The following NEK6 variants were observed in gnomAD, a reference collection of about 807,000 sequenced individuals.
NEK6 encodes NIMA related kinase 6.
In NEK6, 27 loss-of-function variants were observed where a neutral mutation model predicts 43.5. The ratio of observed to expected loss-of-function variants is 0.62; its 90% CI spans 0.46 to 0.86. The LOEUF (loss-of-function observed/expected upper bound fraction) is 0.86. NEK6 is among the 40% of genes least tolerant of loss of function. The probability of loss-of-function intolerance (pLI) is 0.00; values close to 1 mark genes in which losing one functional copy is unlikely to be tolerated. For synonymous variants in NEK6, 167 were observed against 164.1 expected (o/e 1.02, Z -0.14); for missense variants, 318 against 414.4 (o/e 0.77, Z 2.02).
At chr9:124,304,550 A>G (rs1048934444) in intron 2 of NEK6, among the ~76,000 whole-genome samples, 3 of 152,218 alleles carry the variant, frequency 2.0e-5, no homozygotes, top group African/African-American at 7.2e-5. Context: ...TAAACATCCA[A>G]CACAGCACCT....
chr9:124,336,115 G>C (rs1276253304), intron 7 of NEK6, among the ~76,000 whole-genome samples: 1 of 152,150 alleles, frequency 6.6e-6, no homozygotes, highest in Non-Finnish European at 1.5e-5. Context: ...GTGTGCACCT[G>C]TGGTCCCAGC....
chr9:124,269,800 G>T (rs537487263), intron 1 of NEK6, among the ~76,000 whole-genome samples: 1 of 152,226 alleles, frequency 6.6e-6, no homozygotes, highest in South Asian at 2.1e-4. Flanking sequence ...CCTTCTCTTT[G>T]TTGTTGGTTT....
At position 124,352,256 on chromosome 9, in the gene NEK6, A is replaced by C. The variant is rs939780124; in HGVS notation, c.*1309A>C. Reference sequence around the variant, plus strand: ...ACCTGCTGCCTGCAGGCATTCACTGACCAGGCCTTTCCTGGAGGAAACACC... The same window carrying C: ...ACCTGCTGCCTGCAGGCATTCACTGCCCAGGCCTTTCCTGGAGGAAACACC... On this transcript the variant is annotated 3_prime_UTR_variant, in exon 10 of 10. Coordinates refer to ENST00000320246, the MANE Select transcript of NEK6 (RefSeq NM_014397.6). 6.6e-6 allele frequency: 1 copy of C among 152,312 alleles called. No homozygotes were observed. Among genetic ancestry groups the C allele is most frequent in the African/African-American group, 2.4e-5 (1 of 41,450 alleles). 9.4% of individuals were successfully genotyped at this position (152,312 alleles called of 1,614,324 possible). A position where few individuals can be genotyped will look rare whatever the true frequency, so the allele number is the denominator to read the frequency against.
chr9:124,308,675 A>AAAAC, intron 2 of NEK6, among the ~76,000 whole-genome samples: 1 of 151,324 alleles, frequency 6.6e-6, no homozygotes, highest in African/African-American at 2.4e-5. Flanking sequence ...AAAAAAAAAA[A>AAAAC]CCAGTTTTCT....
chr9:124,265,068 G>C (rs1040559228), intron 1 of NEK6, among the ~76,000 whole-genome samples: 3 of 152,180 alleles, frequency 2.0e-5, no homozygotes, highest in African/African-American at 7.2e-5. Context: ...TTGGGGAGGG[G>C]AGACTGGGGA....
intron 1 of NEK6, among the ~76,000 whole-genome samples, chr9:124,289,971 G>A (rs1832336931): frequency 6.6e-6 from 1 of 152,184 alleles, no homozygotes; most frequent in African/African-American, 2.4e-5. Context: ...GCTAAAAATG[G>A]CCACATACTT....
At chr9:124,328,183 T>G (rs1401604096) in intron 7 of NEK6, among the ~76,000 whole-genome samples, 2 of 152,110 alleles carry the variant, frequency 1.3e-5, no homozygotes, top group Non-Finnish European at 2.9e-5. Flanking sequence ...ATCCACACAC[T>G]GGGTATGTAA....
intron 1 of NEK6, among the ~76,000 whole-genome samples, chr9:124,289,190 CACACACACACACA>C (rs530246228): frequency 1.9e-3 from 1 of 536 alleles, no homozygotes; most frequent in African/African-American, 4.5e-3. Flanking sequence ...CCCCCCGCCA[CACACACACACACA>C]CACACACACA....
intron 1 of NEK6, among the ~76,000 whole-genome samples, chr9:124,284,075 G>A (rs560392680): frequency 6.6e-5 from 10 of 152,366 alleles, no homozygotes; most frequent in African/African-American, 1.9e-4. Context: ...TGGGCCAGGC[G>A]CAGTGGCTCT....
intron 4 of NEK6, among the ~76,000 whole-genome samples, chr9:124,316,359 A>C (rs1833818024): frequency 6.6e-6 from 1 of 152,220 alleles, no homozygotes; most frequent in Admixed American, 6.5e-5. Flanking sequence ...GGTGCAGCCC[A>C]GTGGAGAAGA....
At chr9:124,340,806 C>T (rs923324838) in intron 8 of NEK6, among the ~76,000 whole-genome samples, 6 of 152,352 alleles carry the variant, frequency 3.9e-5, no homozygotes, top group Admixed American at 3.3e-4. Context: ...TCCACAGAGC[C>T]TGATTGCTCT....
At chr9:124,293,734 G>A (rs747867320) in intron 1 of NEK6, among the ~76,000 whole-genome samples, 2 of 152,186 alleles carry the variant, frequency 1.3e-5, no homozygotes, top group African/African-American at 2.4e-5. Flanking sequence ...TTCTGCCAAC[G>A]CCCCCTGGGT....
chr9:124,338,505 A>G (rs925043990), intron 7 of NEK6, among the ~76,000 whole-genome samples: 1 of 152,268 alleles, frequency 6.6e-6, no homozygotes, highest in African/African-American at 2.4e-5. Flanking sequence ...ATTTTCTCCC[A>G]GTCTGTGACT....
chr9:124,337,224 G>T (rs1292622705), intron 7 of NEK6, among the ~76,000 whole-genome samples: 1 of 152,164 alleles, frequency 6.6e-6, no homozygotes, highest in East Asian at 1.9e-4. Context: ...GTGCCCTGCT[G>T]CCCAGAGATA....
intron 2 of NEK6, among the ~76,000 whole-genome samples, chr9:124,306,924 G>T (rs62583811): frequency 6.6e-6 from 1 of 152,172 alleles, no homozygotes; most frequent in Non-Finnish European, 1.5e-5. Flanking sequence ...CTGATGAAGT[G>T]TGCTTTTTAA....
chr9:124,346,315 G>A (rs1433008102), intron 8 of NEK6, among the ~76,000 whole-genome samples: 1 of 152,202 alleles, frequency 6.6e-6, no homozygotes, highest in African/African-American at 2.4e-5. Flanking sequence ...CACCAGACCT[G>A]TTCATGGACG....
At chr9:124,303,374 A>G (rs1431526173) in intron 2 of NEK6, among the ~76,000 whole-genome samples, 2 of 152,166 alleles carry the variant, frequency 1.3e-5, no homozygotes, top group East Asian at 1.9e-4. Flanking sequence ...TTTGACCTCA[A>G]TGGCAAGGTT....
rs145420358 is a variant in NEK6 at position 124,287,783 on chromosome 9, C to T, written c.-29-14153C>T. On this transcript the variant is annotated intron_variant, in intron 1 of 9. Coordinates refer to ENST00000320246, the MANE Select transcript of NEK6 (RefSeq NM_014397.6). ...GAGGTTACAGTGAGCCAAGATTGCA[C>T]CATTGCACTCCAGCCTAGGTGACAG... Among the ~76,000 whole-genome samples, 479 of 152,172 alleles carry T rather than the reference C, an allele frequency of 3.1e-3. 4 individuals carry two copies. Among genetic ancestry groups the T allele is most frequent in the South Asian group, 0.019 (89 of 4,800 alleles).
chr9:124,291,149 C>A (rs1267831614), intron 1 of NEK6, among the ~76,000 whole-genome samples: 1 of 152,160 alleles, frequency 6.6e-6, no homozygotes, highest in African/African-American at 2.4e-5. Context: ...CCCACCAGCA[C>A]CCCGGGCAGT....
Sources: allele counts gnomAD v4.1 joint callset (sites outside exome capture counted in the v4.1 genomes callset), GRCh38; gene constraint gnomAD v4.1.1; transcripts MANE v1.5; gene names NCBI Gene and HGNC (gene_info 2026-07-23, HGNC 2026-07-21).